The following UBE4B variants were observed in gnomAD, a reference collection of about 807,000 sequenced individuals.
UBE4B encodes the protein ubiquitination factor E4B.
In UBE4B, 27 loss-of-function variants were observed where a neutral mutation model predicts 148.1. That is an observed-to-expected ratio of 0.18 (90% CI 0.13 to 0.25). The LOEUF (loss-of-function observed/expected upper bound fraction) is 0.25. UBE4B is among the 10% of genes least tolerant of loss of function. UBE4B has a pLI of 1.00. For missense variants in UBE4B, 1,170 were observed against 1,662.4 expected (o/e 0.70, Z 5.15); for synonymous variants, 596 against 619.3 (o/e 0.96, Z 0.56).
At chr1:10,092,818 A>G (rs1017400296) in intron 2 of UBE4B, among the ~76,000 whole-genome samples, 1 of 151,844 alleles carries the variant, frequency 6.6e-6, no homozygotes, top group Non-Finnish European at 1.5e-5. Flanking sequence ...ATAAGAGTGA[A>G]ACTCTATCTC....
intron 1 of UBE4B, among the ~76,000 whole-genome samples, chr1:10,067,424 A>C (rs960222167): frequency 2.6e-5 from 4 of 152,116 alleles, no homozygotes; most frequent in African/African-American, 9.7e-5. Flanking sequence ...AATTCTCTTA[A>C]AAAAGGACTT....
At chr1:10,164,222 T>C (rs1300624482) in intron 23 of UBE4B, among the ~76,000 whole-genome samples, 1 of 152,030 alleles carries the variant, frequency 6.6e-6, no homozygotes, top group East Asian at 2.0e-4. Context: ...GTGCCTGTAA[T>C]CCCAGCTATT....
At chr1:10,130,423 A>C (rs1468148172) in intron 12 of UBE4B, 77 bp from the exon 13 acceptor site, 3 of 1,156,664 alleles carry the variant, frequency 2.6e-6, no homozygotes, top group Non-Finnish European at 3.9e-6. Flanking sequence ...AATACAGAGG[A>C]GCTGGAGAGT....
intron 7 of UBE4B, among the ~76,000 whole-genome samples, chr1:10,109,946 A>C (rs189995977): frequency 2.0e-5 from 3 of 152,172 alleles, no homozygotes; most frequent in Admixed American, 6.5e-5. Flanking sequence ...TGGTCCGCCC[A>C]CCTCGGCCTC....
intron 20 of UBE4B, among the ~76,000 whole-genome samples, chr1:10,149,970 C>G (rs1261097767): frequency 6.6e-6 from 1 of 151,984 alleles, no homozygotes; most frequent in African/African-American, 2.4e-5. Context: ...AAGTCTGCAT[C>G]TCTTTAAAAA....
At chr1:10,156,623 A>G (rs1158072384) in intron 21 of UBE4B, among the ~76,000 whole-genome samples, 5 of 152,116 alleles carry the variant, frequency 3.3e-5, no homozygotes, top group African/African-American at 1.2e-4. Flanking sequence ...TTTAGATGAT[A>G]TGAGGCGTTG....
At chr1:10,166,971 A>ACACACACAC (rs376136541) in intron 23 of UBE4B, among the ~76,000 whole-genome samples, 22 of 111,904 alleles carry the variant, frequency 2.0e-4, no homozygotes, top group East Asian at 1.8e-3. Flanking sequence ...ACACACACAC[A>ACACACACAC]AAAAAAAAAA....
intron 25 of UBE4B, 68 bp downstream of exon 25, chr1:10,171,397 AGG>A: frequency 1.9e-6 from 3 of 1,555,350 alleles, no homozygotes; most frequent in Non-Finnish European, 2.6e-6. Flanking sequence ...CACAGTGGCC[AGG>A]GAACTCGTCT....
chr1:10,138,855 A>G (rs1645739110), intron 17 of UBE4B, among the ~76,000 whole-genome samples: 1 of 152,122 alleles, frequency 6.6e-6, no homozygotes, highest in African/African-American at 2.4e-5. Flanking sequence ...AGGAGACTAG[A>G]CTTTTTTCTT....
intron 1 of UBE4B, among the ~76,000 whole-genome samples, chr1:10,054,149 T>C (rs1256485394): frequency 6.6e-6 from 1 of 152,214 alleles, no homozygotes; most frequent in East Asian, 1.9e-4. Context: ...TTGTAAGCTA[T>C]TTTATTTCTT....
At chr1:10,098,243 A>G (rs1483013361) in intron 3 of UBE4B, among the ~76,000 whole-genome samples, 1 of 152,250 alleles carries the variant, frequency 6.6e-6, no homozygotes, top group African/African-American at 2.4e-5. Flanking sequence ...TAGGAATGCA[A>G]GGATGCATTG....
chr1:10,153,648 A>G (rs1009433410), intron 21 of UBE4B, among the ~76,000 whole-genome samples: 21 of 151,694 alleles, frequency 1.4e-4, no homozygotes, highest in African/African-American at 4.4e-4. Flanking sequence ...GGTGAATCCT[A>G]GTCTCTACTA....
chr1:10,144,411 AAGACACAT>A (rs147353625), intron 17 of UBE4B, among the ~76,000 whole-genome samples: 2,631 of 151,612 alleles, frequency 0.017, 34 homozygotes, highest in Non-Finnish European at 0.027. Flanking sequence ...CATCCATTCA[AAGACACAT>A]CATTGTTTTA....
At chr1:10,166,482 C>T (rs1646247635) in intron 23 of UBE4B, 1 of 152,186 alleles carries the variant, frequency 6.6e-6, no homozygotes, top group Non-Finnish European at 1.5e-5. Context: ...CACTGCATCT[C>T]ATAGTTTTAA....
rs1553154002 is a variant in UBE4B, at chr1:10,161,999, C to CTTTTCTTTTTTTTTTTTTT, written c.3198+717_3198+718insCTTTTTTTTTTTTTTTTTT. On this transcript the variant is annotated intron_variant, in intron 23 of 27. Transcript: ENST00000343090. The surrounding 1 kb of genome is among the most constrained non-coding windows in gnomAD (Gnocchi z 4.1). ...GGGGACTGCTTTTTCTTCACTTTTT[C>CTTTTCTTTTTTTTTTTTTT]TTTTTTTTTTTTTTTTGAGACGGAG... Among the ~76,000 whole-genome samples, 25 of 137,234 alleles carry CTTTTCTTTTTTTTTTTTTT rather than the reference C, an allele frequency of 1.8e-4. No individual in the cohort carries two copies. The highest frequency in any genetic ancestry group is 3.7e-4 in the Admixed American group (5 of 13,654). The allele number at this position is 137,234 out of a possible 152,430, so 90.0% of individuals were successfully genotyped here.
chr1:10,098,257 T>C (rs1341244532), intron 3 of UBE4B, among the ~76,000 whole-genome samples: 1 of 152,232 alleles, frequency 6.6e-6, no homozygotes, highest in Non-Finnish European at 1.5e-5. Context: ...TGCATTGATA[T>C]TAGAAAATCT....
intron 1 of UBE4B, among the ~76,000 whole-genome samples, chr1:10,060,413 A>G (rs1451702484): frequency 6.6e-6 from 1 of 152,128 alleles, no homozygotes; most frequent in Non-Finnish European, 1.5e-5. Flanking sequence ...ATAGAAAAGG[A>G]ACAGTAAAAA....
At chr1:10,087,293 T>TAA (rs1644781389) in intron 2 of UBE4B, among the ~76,000 whole-genome samples, 1 of 152,206 alleles carries the variant, frequency 6.6e-6, no homozygotes. Context: ...AGTTTCTTTG[T>TAA]AAAATGAACA....
intron 1 of UBE4B, among the ~76,000 whole-genome samples, chr1:10,053,791 G>A (rs1644103287): frequency 6.6e-6 from 1 of 152,168 alleles, no homozygotes; most frequent in African/African-American, 2.4e-5. Flanking sequence ...TCGGGCTCAA[G>A]TGATCCTCCC....
Sources: gnomAD v4.1 joint callset for allele counts (sites outside exome capture counted in the v4.1 genomes callset) on GRCh38, gnomAD v4.1.1 for gene constraint, Gnocchi (gnomAD v3.1) non-coding constraint, MANE v1.5 for transcripts, NCBI Gene and HGNC (gene_info 2026-07-23, HGNC 2026-07-21) for gene names.